MYADM: variants seen among roughly 807,000 people sequenced by gnomAD.
The protein encoded by MYADM is myeloid-associated differentiation marker.
For missense variants in MYADM, 416 were observed against 443.4 expected (o/e 0.94, Z 0.56); for synonymous variants, 224 against 210.2 (o/e 1.07, Z -0.57).
At position 53,873,670 on chromosome 19, in the gene MYADM, C is replaced by T; in HGVS notation, c.141C>T (p.Thr47=). 6.2e-7 allele frequency: 1 copy of T among 1,614,158 alleles called. No homozygotes were observed. Among genetic ancestry groups the T allele is most frequent in the Non-Finnish European group, 8.5e-7 (1 of 1,180,024 alleles). The change falls in exon 3 of 3, where the codon ACC becomes ACT. Residue 47 remains threonine (T), a synonymous_variant. Transcript: ENST00000391770. This position sits in a 1 kb window ranked among gnomAD's most constrained non-coding sequence, Gnocchi z 4.3. ...TTCGCCTGCTGCAGCTGGTGTCTAC[C>T]TGCGTGGCCTTCTCGCTGGTGGCTA... is the stretch of plus-strand genomic sequence containing the variant. ...GLLRLLQLVS[T]CVAFSLVASV...
upstream of MYADM, chr19:53,867,880 C>T (rs2122888801): frequency 6.6e-6 from 1 of 152,526 alleles, no homozygotes; most frequent in South Asian, 2.0e-4. Context: ...CCACCCAGCC[C>T]TCAGACCCTT....
Position 53,873,814 on chromosome 19 carries a change from C to A in MYADM, c.285C>A (p.Pro95=). Residue 95 remains proline (P), a synonymous_variant, in exon 3 of 3, where the codon CCC becomes CCA. Coordinates refer to ENST00000391770, the MANE Select transcript of MYADM (RefSeq NM_138373.5). The surrounding 1 kb of genome is among the most constrained non-coding windows in gnomAD (Gnocchi z 4.3). ...TGTGCGGGCTCCAGGCCCGCTTCCCCCTGTCTTGGCGCAACTTCCCCATCA... is the reference window on the plus strand; with the variant it reads ...TGTGCGGGCTCCAGGCCCGCTTCCCACTGTCTTGGCGCAACTTCCCCATCA... ...VELCGLQARF[P]LSWRNFPITF... is the part of the protein sequence containing the mutation. 1 of 1,613,754 alleles carries A rather than the reference C, an allele frequency of 6.2e-7. No individual in the cohort carries two copies. Among genetic ancestry groups the A allele is most frequent in the Non-Finnish European group, 8.5e-7 (1 of 1,180,026 alleles).
Position 53,874,779 on chromosome 19 carries a change from T to C in MYADM, c.*281T>C, listed in dbSNP as rs1426808791. ...GTTTCTCTTTTTCTTTTCTTTTTTT[T>C]TTTTTTTTTTTTTTAAGACGGATTC... On this transcript the variant is annotated 3_prime_UTR_variant, in exon 3 of 3. Coordinates refer to ENST00000391770, the MANE Select transcript of MYADM (RefSeq NM_138373.5). The C allele has an allele frequency of 6.6e-4, 128 of 192,574 alleles. 2 individuals are homozygous for C. The highest frequency in any genetic ancestry group is 2.0e-3 in the Middle Eastern group (1 of 498). 11.9% of individuals were successfully genotyped at this position (192,574 alleles called of 1,614,324 possible).
chr19:53,874,674 C>T lies in MYADM; in HGVS notation c.*176C>T. On this transcript the variant is annotated 3_prime_UTR_variant, in exon 3 of 3. Coordinates refer to ENST00000391770, the MANE Select transcript of MYADM (RefSeq NM_138373.5). ...TTGCACTCTAACCAGTTCTTGGATG[C>T]ATCTTCTTCCTTCCCTTTCCTCTTG... 1.7e-6 allele frequency: 1 copy of T among 580,848 alleles called. No homozygotes were observed. Among genetic ancestry groups the T allele is most frequent in the Non-Finnish European group, 2.8e-6 (1 of 352,774 alleles). 36.0% of individuals were successfully genotyped at this position (580,848 alleles called of 1,614,324 possible). A position where few individuals can be genotyped will look rare whatever the true frequency, so the allele number is the denominator to read the frequency against.
At chr19:53,866,895 C>T (rs1009893822), upstream of MYADM, among the ~76,000 whole-genome samples, 1 of 152,178 alleles carries the variant, frequency 6.6e-6, no homozygotes, top group South Asian at 2.1e-4. This position sits in a 1 kb window ranked among gnomAD's most constrained non-coding sequence, Gnocchi z 4.3. Flanking sequence ...AACTCCTGGG[C>T]TCAAGGGATC....
chr19:53,866,425 A>T (rs1372999577), upstream of MYADM: 1 of 151,996 alleles, frequency 6.6e-6, no homozygotes, highest in African/African-American at 2.4e-5. The surrounding 1 kb of genome is among the most constrained non-coding windows in gnomAD (Gnocchi z 4.3). Flanking sequence ...GCGGTGAGTG[A>T]ACGCGGCCAG....
chr19:53,871,480 T>A (rs919326266), intron 2 of MYADM, among the ~76,000 whole-genome samples: 1 of 152,004 alleles, frequency 6.6e-6, no homozygotes, highest in African/African-American at 2.4e-5. Context: ...GGAGTTAGAC[T>A]GAGAGTGAAG....
At chr19:53,867,410 G>C (rs1428709763), upstream of MYADM, among the ~76,000 whole-genome samples, 4 of 152,020 alleles carry the variant, frequency 2.6e-5, no homozygotes, top group Non-Finnish European at 5.9e-5. Flanking sequence ...GGAAGGGGTG[G>C]GGGCGGAACA....
upstream of MYADM, chr19:53,865,710 C>T (rs2068237814): frequency 1.3e-5 from 2 of 152,166 alleles, no homozygotes; most frequent in Admixed American, 1.3e-4. Flanking sequence ...GAACCGCTGC[C>T]ACCACGAGGA....
chr19:53,873,457 G>C lies in MYADM; in HGVS notation c.-2-71G>C, dbSNP rs2068434586. 6.7e-7 allele frequency: 1 copy of C among 1,485,322 alleles called. No individual in the cohort carries two copies. Among genetic ancestry groups the C allele is most frequent in the African/African-American group, 1.4e-5 (1 of 71,208 alleles). The allele number at this position is 1,485,322 out of a possible 1,614,324, so 92.0% of individuals were successfully genotyped here. A position where few individuals can be genotyped will look rare whatever the true frequency, so the allele number is the denominator to read the frequency against. On this transcript the variant is annotated intron_variant, in intron 2 of 2. Coordinates refer to ENST00000391770, the MANE Select transcript of MYADM (RefSeq NM_138373.5). The surrounding 1 kb of genome is among the most constrained non-coding windows in gnomAD (Gnocchi z 4.3). ...CTCATATTAATTTGTCCCTGGGGTAGGCAATGGCTAAGGGACCTGGATTCT... is the reference window on the plus strand; with the variant it reads ...CTCATATTAATTTGTCCCTGGGGTACGCAATGGCTAAGGGACCTGGATTCT...
Position 53,873,629 on chromosome 19 carries a change from C to T in MYADM, c.100C>T (p.Gln34Ter), listed in dbSNP as rs1231628563. ...MIVGSPRALT[Q>*]PLGLLRLLQL... Reference sequence around the variant, plus strand: ...CGTGGGGTCCCCTCGGGCCCTGACACAGCCCCTGGGTCTCCTTCGCCTGCT... The same window carrying T: ...CGTGGGGTCCCCTCGGGCCCTGACATAGCCCCTGGGTCTCCTTCGCCTGCT... Residue 34 changes from glutamine (Q) to a stop codon, truncating the protein, a stop_gained, in exon 3 of 3, where the codon CAG becomes TAG. Coordinates refer to ENST00000391770, the MANE Select transcript of MYADM (RefSeq NM_138373.5). LOFTEE classifies it low-confidence loss of function (END_TRUNC). This position sits in a 1 kb window ranked among gnomAD's most constrained non-coding sequence, Gnocchi z 4.3. 2 of 1,614,190 alleles carry T rather than the reference C, an allele frequency of 1.2e-6. No individual in the cohort carries two copies. The highest frequency in any genetic ancestry group is 1.6e-4 in the Middle Eastern group (1 of 6,062).
intron 2 of MYADM, among the ~76,000 whole-genome samples, chr19:53,870,214 G>A (rs868308278): frequency 6.9e-4 from 64 of 93,104 alleles, no homozygotes; most frequent in African/African-American, 3.6e-3. Flanking sequence ...GGGTCCGAGG[G>A]AGGAGGGGCT....
chr19:53,873,155 A>C lies in MYADM; in HGVS notation c.-2-373A>C, dbSNP rs1170309381. On this transcript the variant is annotated intron_variant, in intron 2 of 2. Coordinates refer to ENST00000391770, the MANE Select transcript of MYADM (RefSeq NM_138373.5). This position sits in a 1 kb window ranked among gnomAD's most constrained non-coding sequence, Gnocchi z 4.3. Reference sequence around the variant, plus strand: ...GGGAGGCCAAGGCCAGCGGATCATGAGGTCAGGAGATCGAGACCATCCTGG... The same window carrying C: ...GGGAGGCCAAGGCCAGCGGATCATGCGGTCAGGAGATCGAGACCATCCTGG... Among the ~76,000 whole-genome samples, 1 of 152,176 alleles carries C rather than the reference A, an allele frequency of 6.6e-6. No individual in the cohort carries two copies. Among genetic ancestry groups the C allele is most frequent in the African/African-American group, 2.4e-5 (1 of 41,444 alleles).
Position 53,875,572 on chromosome 19 carries a change from G to A in MYADM, c.*1074G>A, listed in dbSNP as rs151065909. The A allele has an allele frequency of 0.01, 1,679 of 165,238 alleles. 12 individuals carry two copies. Among genetic ancestry groups the A allele is most frequent in the Middle Eastern group, 0.034 (10 of 292 alleles). 10.2% of individuals were successfully genotyped at this position (165,238 alleles called of 1,614,324 possible). A position where few individuals can be genotyped will look rare whatever the true frequency, so the allele number is the denominator to read the frequency against. ...AAAAAAAAAAGAAGGAGTCGGGGCC[G>A]GGCGTGGTGGCTCACGCCTGTAATC... On this transcript the variant is annotated 3_prime_UTR_variant, in exon 3 of 3. Coordinates refer to ENST00000391770, the MANE Select transcript of MYADM (RefSeq NM_138373.5).
In MYADM at chr19:53,875,012, G is replaced by A. The variant is rs1267175947; in HGVS notation, c.*514G>A. 1 of 167,010 alleles carries A rather than the reference G, an allele frequency of 6.0e-6. No individual in the cohort carries two copies. The highest frequency in any genetic ancestry group is 2.4e-5 in the African/African-American group (1 of 41,382). The allele number at this position is 167,010 out of a possible 1,614,324, so 10.3% of individuals were successfully genotyped here. ...TGCCTGTCGGCTTTCTTATCTGCCTGTTTTGCAAGCACCTTCTCCTGTGTC... is the reference window on the plus strand; with the variant it reads ...TGCCTGTCGGCTTTCTTATCTGCCTATTTTGCAAGCACCTTCTCCTGTGTC... On this transcript the variant is annotated 3_prime_UTR_variant, in exon 3 of 3. Coordinates refer to ENST00000391770, the MANE Select transcript of MYADM (RefSeq NM_138373.5).
rs1160231217 is a variant in MYADM, at chr19:53,874,222, G to A, written c.693G>A (p.Val231=). The A allele has an allele frequency of 1.2e-5, 19 of 1,612,850 alleles. No individual in the cohort carries two copies. The highest frequency in any genetic ancestry group is 1.5e-5 in the Non-Finnish European group (18 of 1,179,196). The change falls in exon 3 of 3, where the codon GTG becomes GTA. Residue 231 remains valine, a synonymous_variant. Coordinates refer to ENST00000391770, the MANE Select transcript of MYADM (RefSeq NM_138373.5). ...ILLNLGECTN[V]LPIPFPSFLS... ...TGAACCTGGGGGAGTGCACCAACGT[G>A]CTACCCATCCCCTTCCCCAGCTTCC...
At chr19:53,865,800 A>T (rs563758134), upstream of MYADM, 11 of 152,300 alleles carry the variant, frequency 7.2e-5, no homozygotes, top group East Asian at 2.1e-3. Flanking sequence ...GGGGTTAGGC[A>T]GTGACTAATT....
chr19:53,871,411 AG>A lies in MYADM; in HGVS notation c.-3+1578del, dbSNP rs143083232. The stretch of plus-strand genomic sequence containing the variant: ...ATGGACTCAGTATGCAGGAGTGTGG[AG>A]GGGGAGGCTCAAACTAGCTTTTTTG... On this transcript the variant is annotated intron_variant, in intron 2 of 2. Transcript: ENST00000391770. Among the ~76,000 whole-genome samples, 1,459 of 152,112 alleles carry A rather than the reference AG, an allele frequency of 9.6e-3. 17 individuals are homozygous for A. Among genetic ancestry groups the A allele is most frequent in the African/African-American group, 0.032 (1,337 of 41,472 alleles).
intron 2 of MYADM, chr19:53,872,908 G>C (rs1315445399): frequency 6.6e-6 from 1 of 152,560 alleles, no homozygotes; most frequent in Non-Finnish European, 1.5e-5. Context: ...ATCTGGAGTG[G>C]GAAGCAAACA....
Sources: gnomAD v4.1 joint callset for allele counts (sites outside exome capture counted in the v4.1 genomes callset) on GRCh38, gnomAD v4.1.1 for gene constraint, Gnocchi (gnomAD v3.1) non-coding constraint, MANE v1.5 for transcripts, NCBI Gene and HGNC (gene_info 2026-07-23, HGNC 2026-07-21) for gene names.